TBR1: variants seen among roughly 807,000 people sequenced by gnomAD.
TBR1 encodes the protein T-box brain protein 1.
TBR1 carries 7 observed loss-of-function variants against 60.3 expected under a neutral mutation model. The observed-to-expected ratio is 0.12, with a 90% CI of 0.07 to 0.22. The LOEUF (loss-of-function observed/expected upper bound fraction) is 0.22, where lower values mean the gene tolerates loss of function less well. TBR1 is among the 10% of genes least tolerant of loss of function. The pLI, the probability that TBR1 is intolerant of heterozygous loss-of-function variation, is 1.00. For synonymous variants in TBR1, 417 were observed against 409.9 expected (o/e 1.02, Z -0.21); for missense variants, 616 against 936.8 (o/e 0.66, Z 4.47).
rs1300654073 is a variant in TBR1 at position 161,418,631 on chromosome 2, A to G, written c.970-261A>G. Reference sequence around the variant, plus strand: ...CTTTGTTCCTCCTTACAGGAGGACTAGGAGAAGGGCCCTGAGGATCGGGCG... The same window carrying G: ...CTTTGTTCCTCCTTACAGGAGGACTGGGAGAAGGGCCCTGAGGATCGGGCG... On this transcript the variant is annotated intron_variant, in intron 3 of 5. Transcript: ENST00000389554. 128 of 556,920 alleles carry G rather than the reference A, an allele frequency of 2.3e-4. No homozygotes were observed. In the East Asian group the frequency reaches 4.2e-3, roughly 18 times the overall value. 34.5% of individuals were successfully genotyped at this position (556,920 alleles called of 1,614,324 possible).
At position 161,417,346 on chromosome 2, in the gene TBR1, G is replaced by A. The variant is rs1487057970; in HGVS notation, c.692+244G>A. 4.5e-5 allele frequency: 26 copies of A among 573,664 alleles called. No individual in the cohort carries two copies. Among genetic ancestry groups the A allele is most frequent in the Non-Finnish European group, 7.8e-5 (26 of 331,278 alleles). 35.5% of individuals were successfully genotyped at this position (573,664 alleles called of 1,614,324 possible). ...AGTGGCCAGAGGAAGGCAAGAAAAA[G>A]GAAGAGCCCTGGCCAGCGGCTGGGC... On this transcript the variant is annotated intron_variant, in intron 1 of 5. Transcript: ENST00000389554. This position sits in a 1 kb window ranked among gnomAD's most constrained non-coding sequence, Gnocchi z 5.3.
intron 4 of TBR1, 180 bp downstream of exon 4, chr2:161,419,230 C>A: frequency 1.2e-6 from 1 of 848,624 alleles, no homozygotes; most frequent in Non-Finnish European, 1.7e-6. Flanking sequence ...TCCTAAATAC[C>A]AAGCCGGTGG....
chr2:161,418,269 T>C lies in TBR1; in HGVS notation c.916T>C (p.Phe306Leu). The C allele has an allele frequency of 3.7e-6, 6 of 1,614,038 alleles. No individual in the cohort carries two copies. Among genetic ancestry groups the C allele is most frequent in the Non-Finnish European group, 5.1e-6 (6 of 1,179,992 alleles). The stretch of plus-strand genomic sequence containing the variant: ...TCACTGGATGCGCCAAGAAATCTCT[T>C]TTGGAAAATTAAAACTTACGAACAA... The part of the protein sequence containing the change: ...GAHWMRQEIS[F>L]GKLKLTNNKG... The change falls in exon 3 of 6, where the codon TTT becomes CTT. Residue 306 changes from phenylalanine (F) to leucine (L), a missense_variant. Coordinates refer to ENST00000389554, the MANE Select transcript of TBR1 (RefSeq NM_006593.4).
In TBR1 at chr2:161,416,838, G is replaced by A; in HGVS notation, c.428G>A (p.Ser143Asn). Reference protein sequence around the residue: ...AHPAFSIGSPSRYMAHHPVIT... With the variant: ...AHPAFSIGSPNRYMAHHPVIT... ...CCCGCCTTCTCCATCGGCAGCCCTA[G>A]CCGCTACATGGCCCACCACCCGGTC... Residue 143 changes from serine (S) to asparagine (N), a missense_variant, in exon 1 of 6, where the codon AGC becomes AAC. By Grantham distance (46) the Ser-to-Asn change is conservative. Coordinates refer to ENST00000389554, the MANE Select transcript of TBR1 (RefSeq NM_006593.4). This position sits in a 1 kb window ranked among gnomAD's most constrained non-coding sequence, Gnocchi z 6.1. The A allele has an allele frequency of 6.2e-7, 1 of 1,614,034 alleles. No homozygotes were observed.
chr2:161,416,631 C>T lies in TBR1; in HGVS notation c.221C>T (p.Ser74Leu), dbSNP rs572692771. The change falls in exon 1 of 6, where the codon TCA becomes TTA. Residue 74 changes from serine to leucine, a missense_variant. Ser to Leu is a moderately radical substitution (Grantham distance 145). Transcript: ENST00000389554. This position sits in a 1 kb window ranked among gnomAD's most constrained non-coding sequence, Gnocchi z 6.1. ...GACAATTTTCCTGACTCCAAGGACT[C>T]ACCAGGGGACGTCCAGAGAAGTAAA... ...DTDNFPDSKDSPGDVQRSKLS... is the reference protein window; with the variant it reads ...DTDNFPDSKDLPGDVQRSKLS... The T allele has an allele frequency of 6.2e-7, 1 of 1,614,210 alleles. No individual in the cohort carries two copies. Among genetic ancestry groups the T allele is most frequent in the African/African-American group, 1.3e-5 (1 of 75,050 alleles).
intron 4 of TBR1, chr2:161,419,306 T>C (rs1184022442): frequency 2.0e-5 from 9 of 454,346 alleles, no homozygotes; most frequent in Non-Finnish European, 3.5e-5. Context: ...CCAGGATTTC[T>C]AAAGACTCTT....
chr2:161,418,549 T>C (rs990054851), intron 3 of TBR1: 15 of 587,192 alleles, frequency 2.6e-5, no homozygotes, highest in Non-Finnish European at 2.8e-5. Context: ...CCTTCCCAAG[T>C]ACTAATACTG....
rs763804793 is a variant in TBR1 at position 161,425,608 on chromosome 2, T to G, written c.*1381T>G. The G allele has an allele frequency of 6.6e-6, 1 of 152,234 alleles. No homozygotes were observed. Among genetic ancestry groups the G allele is most frequent in the Non-Finnish European group, 1.5e-5 (1 of 68,036 alleles). The allele number at this position is 152,234 out of a possible 1,614,324, so 9.4% of individuals were successfully genotyped here. On this transcript the variant is annotated 3_prime_UTR_variant, in exon 6 of 6. Coordinates refer to ENST00000389554, the MANE Select transcript of TBR1 (RefSeq NM_006593.4). ...ACCTATACTTTTTTGTATTTAAAAA[T>G]TAATGTGAAATATGCATCATACACA...
At position 161,417,967 on chromosome 2, in the gene TBR1, G is replaced by A; in HGVS notation, c.847+137G>A. 6.8e-7 allele frequency: 1 copy of A among 1,460,688 alleles called. No homozygotes were observed. The highest frequency in any genetic ancestry group is 9.0e-7 in the Non-Finnish European group (1 of 1,106,186). 90.5% of individuals were successfully genotyped at this position (1,460,688 alleles called of 1,614,324 possible). A position where few individuals can be genotyped will look rare whatever the true frequency, so the allele number is the denominator to read the frequency against. ...CTAAAAGGAAACGAGGGGGACAGGG[G>A]GACAGACTGAGCTGCGAGAAGGGGG... On this transcript the variant is annotated intron_variant, in intron 2 of 5. Transcript: ENST00000389554. This position sits in a 1 kb window ranked among gnomAD's most constrained non-coding sequence, Gnocchi z 5.3.
In TBR1 at chr2:161,417,609, C is replaced by T; in HGVS notation, c.693-67C>T. 6.4e-7 allele frequency: 1 copy of T among 1,554,772 alleles called. No homozygotes were observed. The highest frequency in any genetic ancestry group is 2.3e-5 in the East Asian group (1 of 44,276). ...TTGCTAACTGGCGCCCCGCTTCTTG[C>T]ATTTAATCTTTAACATTTATGTTTC... On this transcript the variant is annotated intron_variant, in intron 1 of 5. Coordinates refer to ENST00000389554, the MANE Select transcript of TBR1 (RefSeq NM_006593.4). The surrounding 1 kb of genome is among the most constrained non-coding windows in gnomAD (Gnocchi z 5.3).
chr2:161,418,180 A>G, intron 2 of TBR1, 21 bp from the exon 3 acceptor site: 1 of 1,607,958 alleles, frequency 6.2e-7, no homozygotes, highest in Non-Finnish European at 8.5e-7. Context: ...GCATATGTAA[A>G]CAATGTATTT....
At chr2:161,420,567 G>T in intron 5 of TBR1, 1 of 190,668 alleles carries the variant, frequency 5.2e-6, no homozygotes, top group Non-Finnish European at 1.1e-5. Flanking sequence ...CTCTGGGGCT[G>T]GCTGGCTGGC....
Position 161,423,886 on chromosome 2 carries a change from G to A in TBR1, c.1708G>A (p.Ala570Thr). ...GCTGCCCTGCTGGCCCAACAGCGCC[G>A]CGGCCGCCGCGCGCATGGCCGGCGC... ...SVLPCWPNSAAAAARMAGANP... is the reference protein window; with the variant it reads ...SVLPCWPNSATAAARMAGANP... The change falls in exon 6 of 6, where the codon GCG becomes ACG. Residue 570 changes from alanine (A) to threonine (T), a missense_variant. Transcript: ENST00000389554. The A allele has an allele frequency of 1.5e-6, 2 of 1,370,692 alleles. No individual in the cohort carries two copies. The highest frequency in any genetic ancestry group is 1.9e-6 in the Non-Finnish European group (2 of 1,065,642). 84.9% of individuals were successfully genotyped at this position (1,370,692 alleles called of 1,614,324 possible).
chr2:161,422,919 C>T (rs1315993789), intron 5 of TBR1: 1 of 155,108 alleles, frequency 6.4e-6, no homozygotes. Flanking sequence ...GAGTGAGTAC[C>T]TTGCTTAGAA....
In TBR1 at chr2:161,423,441, C is replaced by T. The variant is rs1174948177; in HGVS notation, c.1263C>T (p.Pro421=). The change falls in exon 6 of 6, where the codon CCC becomes CCT. Residue 421 remains proline, a synonymous_variant. Coordinates refer to ENST00000389554, the MANE Select transcript of TBR1 (RefSeq NM_006593.4). ...PNDSPRSQIV[P]GARYAMAGSF... is the part of the protein sequence containing the mutation. Reference sequence around the variant, plus strand: ...ACTCGCCGCGCTCGCAGATCGTGCCCGGGGCCCGCTACGCCATGGCCGGCT... The same window carrying T: ...ACTCGCCGCGCTCGCAGATCGTGCCTGGGGCCCGCTACGCCATGGCCGGCT... The T allele has an allele frequency of 3.1e-6, 5 of 1,603,278 alleles. No individual in the cohort carries two copies. Among genetic ancestry groups the T allele is most frequent in the Admixed American group, 1.7e-5 (1 of 59,146 alleles).
chr2:161,418,561 T>A (rs1450133018), intron 3 of TBR1: 1 of 562,822 alleles, frequency 1.8e-6, no homozygotes, highest in African/African-American at 2.0e-5. Flanking sequence ...CTAATACTGA[T>A]TGATTTTGAG....
chr2:161,420,013 T>A (rs553247697), intron 4 of TBR1, 183 bp from the exon 5 acceptor site: 1 of 448,106 alleles, frequency 2.2e-6, no homozygotes, highest in Middle Eastern at 5.2e-4. Flanking sequence ...TCCTCATAAC[T>A]TTCATGATAC....
At position 161,416,374 on chromosome 2, in the gene TBR1, C is replaced by A; in HGVS notation, c.-37C>A. ...TTTATGATAAATAGGACTTTAAAAA[C>A]CAGGGACGGGAGGGCGAGTGTTCAG... On this transcript the variant is annotated 5_prime_UTR_variant, in exon 1 of 6. Coordinates refer to ENST00000389554, the MANE Select transcript of TBR1 (RefSeq NM_006593.4). This position sits in a 1 kb window ranked among gnomAD's most constrained non-coding sequence, Gnocchi z 6.1. The A allele has an allele frequency of 1.3e-6, 2 of 1,499,830 alleles. No homozygotes were observed. The highest frequency in any genetic ancestry group is 2.3e-5 in the East Asian group (1 of 44,154). 92.9% of individuals were successfully genotyped at this position (1,499,830 alleles called of 1,614,324 possible).
rs143843262 is a variant in TBR1 at position 161,418,496 on chromosome 2, C to T, written c.969+174C>T. On this transcript the variant is annotated intron_variant, in intron 3 of 5. Coordinates refer to ENST00000389554, the MANE Select transcript of TBR1 (RefSeq NM_006593.4). ...TTTATATTAAATCTGTAAAGTTGTT[C>T]TCATTGGCAACACCTCCGTCGGCCC... 3.9e-4 allele frequency: 407 copies of T among 1,052,060 alleles called. 8 individuals carry two copies. In the East Asian group the frequency reaches 9.7e-3, roughly 25 times the overall value. 65.2% of individuals were successfully genotyped at this position (1,052,060 alleles called of 1,614,324 possible).
Sources: gnomAD v4.1 joint callset for allele counts on GRCh38, gnomAD v4.1.1 for gene constraint, Gnocchi (gnomAD v3.1) non-coding constraint, MANE v1.5 for transcripts, NCBI Gene and HGNC (gene_info 2026-07-23, HGNC 2026-07-21) for gene names.